The following API5 variants were observed in gnomAD, a reference collection of about 807,000 sequenced individuals.
The protein encoded by API5 is FIF.
Under a neutral mutation model 71.9 loss-of-function variants are expected in API5, and 6 were observed. That is an observed-to-expected ratio of 0.08 (90% CI 0.05 to 0.16). The LOEUF is 0.16. Among genes scored for constraint, API5 ranks in the 10% least tolerant of loss-of-function variants. The pLI is 1.00. For missense variants in API5, 332 were observed against 612.8 expected, an observed-to-expected ratio of 0.54 and a Z score of 4.84; for synonymous variants, 189 against 221.3, an observed-to-expected ratio of 0.85 and a Z score of 1.30.
chr11:43,325,458 T>C (rs1430019514), intron 6 of API5, among the ~76,000 whole-genome samples: 1 of 152,228 alleles, frequency 6.6e-6, no homozygotes. Context: ...AGGAAAAATT[T>C]AATCTTGTTT....
In API5 at chr11:43,319,082, A is replaced by G. The variant is rs924698116; in HGVS notation, c.231+281A>G. 1.1e-4 allele frequency: 35 copies of G among 327,178 alleles called. 1 individual carries two copies. The East Asian group carries it at 1.9e-3, about 17-fold the overall frequency. 20.3% of individuals were successfully genotyped at this position (327,178 alleles called of 1,614,324 possible). A position where few individuals can be genotyped will look rare whatever the true frequency, so the allele number is the denominator to read the frequency against. On this transcript the variant is annotated intron_variant, in intron 2 of 13. Transcript: ENST00000531273. ...TTGTGGCTCACATCTTGTTTCATAGATTGTTATTCATTGTGCATATGAAAT... is the reference window on the plus strand; with the variant it reads ...TTGTGGCTCACATCTTGTTTCATAGGTTGTTATTCATTGTGCATATGAAAT...
intron 2 of API5, among the ~76,000 whole-genome samples, chr11:43,319,778 A>C (rs1854803654): frequency 6.6e-6 from 1 of 152,240 alleles, no homozygotes; most frequent in Admixed American, 6.5e-5. Flanking sequence ...AACATGCAGA[A>C]TATAGCCACA....
At chr11:43,319,577 C>T (rs533452995) in intron 2 of API5, among the ~76,000 whole-genome samples, 5 of 152,120 alleles carry the variant, frequency 3.3e-5, no homozygotes, top group Admixed American at 1.3e-4. Flanking sequence ...GACCACCGTT[C>T]CCAGCTGATT....
chr11:43,323,949 T>G (rs1484459797), intron 6 of API5, among the ~76,000 whole-genome samples: 1 of 152,200 alleles, frequency 6.6e-6, no homozygotes, highest in Non-Finnish European at 1.5e-5. Context: ...GGATGCTTGG[T>G]CTGTGTTTAT....
At chr11:43,326,714 G>A (rs929862193) in intron 7 of API5, 103 bp downstream of exon 7, 6 of 671,802 alleles carry the variant, frequency 8.9e-6, no homozygotes, top group South Asian at 1.9e-5. Context: ...CAGTTTAAAT[G>A]TCTGGTAATG....
chr11:43,335,172 T>C, intron 11 of API5, 106 bp from the exon 12 acceptor site: 2 of 785,432 alleles, frequency 2.5e-6, no homozygotes, highest in Admixed American at 2.1e-5. Flanking sequence ...GTAAGCTCTG[T>C]CTCCTAAATT....
intron 1 of API5, among the ~76,000 whole-genome samples, chr11:43,318,072 C>T (rs574464461): frequency 2.0e-4 from 30 of 152,044 alleles, no homozygotes; most frequent in Non-Finnish European, 3.4e-4. Flanking sequence ...TGCAGTAGTA[C>T]GATCTCAGCT....
intron 6 of API5, among the ~76,000 whole-genome samples, chr11:43,324,795 A>C (rs562674853): frequency 6.6e-6 from 1 of 152,180 alleles, no homozygotes; most frequent in African/African-American, 2.4e-5. Context: ...CTCGTGCCTC[A>C]ACTTCCCGAG....
chr11:43,315,524 A>T (rs1854639556), intron 1 of API5, among the ~76,000 whole-genome samples: 1 of 152,184 alleles, frequency 6.6e-6, no homozygotes, highest in African/African-American at 2.4e-5. Flanking sequence ...AAGAAAAACC[A>T]TTTACACAGA....
intron 1 of API5, among the ~76,000 whole-genome samples, chr11:43,313,121 A>AG (rs1460611198): frequency 1.1e-4 from 16 of 150,920 alleles, no homozygotes. Context: ...AAAAAAAAAA[A>AG]GGTTTTTTTT....
At chr11:43,332,885 T>TCCCC (rs997438017) in intron 11 of API5, among the ~76,000 whole-genome samples, 1 of 152,048 alleles carries the variant, frequency 6.6e-6, no homozygotes, top group African/African-American at 2.4e-5. Context: ...GGCAGTCAGC[T>TCCCC]CCCCCATCCT....
In API5 at chr11:43,329,997, A is replaced by G. The variant is rs1444780108; in HGVS notation, c.1160A>G (p.Tyr387Cys). 1 of 1,613,898 alleles carries G rather than the reference A, an allele frequency of 6.2e-7. No homozygotes were observed. Among genetic ancestry groups the G allele is most frequent in the Non-Finnish European group, 8.5e-7 (1 of 1,179,860 alleles). Residue 387 changes from tyrosine (Y) to cysteine (C), a missense_variant, in exon 10 of 14, where the codon TAT becomes TGT. Physicochemically the swap from Tyr to Cys is radical, Grantham distance 194 (BLOSUM62 -2). Coordinates refer to ENST00000531273, the MANE Select transcript of API5 (RefSeq NM_001142930.2). ...LQYFARGLQV[Y>C]IRQLRLALQG... The stretch of plus-strand genomic sequence containing the variant: ...TACTTTGCACGGGGCCTGCAAGTTT[A>G]TATCAGACAACTTCGCTTAGCTCTC...
At chr11:43,321,674 C>T (rs1022665020) in intron 4 of API5, among the ~76,000 whole-genome samples, 198 bp downstream of exon 4, 27 of 152,122 alleles carry the variant, frequency 1.8e-4, no homozygotes, top group African/African-American at 6.5e-4. Flanking sequence ...AAACAGATCA[C>T]GTTTTTCCAT....
rs769501251 is a variant in API5, at chr11:43,318,715, A to G, written c.145A>G (p.Ile49Val). 9.3e-6 allele frequency: 15 copies of G among 1,613,864 alleles called. No homozygotes were observed. The highest frequency in any genetic ancestry group is 2.2e-5 in the East Asian group (1 of 44,870). Reference sequence around the variant, plus strand: ...GGAAAAGCGATTAGCAGCTCAATTTATTCCGAAATTCTTTAAGCATTTTCC... The same window carrying G: ...GGAAAAGCGATTAGCAGCTCAATTTGTTCCGAAATTCTTTAAGCATTTTCC... ...TKEKRLAAQF[I>V]PKFFKHFPEL... is the part of the protein sequence containing the mutation. The change falls in exon 2 of 14, where the codon ATT becomes GTT. Residue 49 changes from isoleucine (I) to valine (V), a missense_variant. Physicochemically the swap from Ile to Val is conservative, Grantham distance 29. Around this residue, in one of 3 missense-constraint regions of API5, gnomAD observed 127 missense variants for 237.6 expected, o/e 0.53. Transcript: ENST00000531273.
chr11:43,326,141 T>C (rs991961870), intron 6 of API5, among the ~76,000 whole-genome samples: 1 of 152,212 alleles, frequency 6.6e-6, no homozygotes, highest in Non-Finnish European at 1.5e-5. Context: ...CCCACATTTC[T>C]TTGGTTAATA....
At chr11:43,323,674 A>G (rs1229871317) in intron 6 of API5, 38 bp downstream of exon 6, 3 of 1,572,894 alleles carry the variant, frequency 1.9e-6, no homozygotes, top group East Asian at 2.2e-5. Flanking sequence ...TATTAGCTAT[A>G]TATATATTTC....
intron 8 of API5, 140 bp from the exon 9 acceptor site, chr11:43,328,571 TA>T: frequency 2.7e-6 from 2 of 734,316 alleles, no homozygotes; most frequent in Non-Finnish European, 4.4e-6. Flanking sequence ...ATCCAGTAAG[TA>T]AAAAAGAAAT....
intron 6 of API5, among the ~76,000 whole-genome samples, chr11:43,324,123 T>G (rs1260092214): frequency 6.6e-6 from 1 of 152,162 alleles, no homozygotes; most frequent in African/African-American, 2.4e-5. Flanking sequence ...GCTCAAGCCT[T>G]CCTTCCATCT....
At chr11:43,320,132 G>T (rs577118640) in intron 2 of API5, among the ~76,000 whole-genome samples, 1 of 142,218 alleles carries the variant, frequency 7.0e-6, no homozygotes, top group African/African-American at 2.6e-5. Flanking sequence ...TGCAACCTCC[G>T]CCTCCCTGGT....
Sources: allele counts gnomAD v4.1 joint callset (sites outside exome capture counted in the v4.1 genomes callset), GRCh38; gene constraint gnomAD v4.1.1; regional missense constraint gnomAD v4.1.1; transcripts MANE v1.5; gene names NCBI Gene and HGNC (gene_info 2026-07-23, HGNC 2026-07-21).